Variants in CAMK1D observed in about 807,000 individuals in gnomAD.
CAMK1D encodes the protein calcium/calmodulin dependent protein kinase ID.
In CAMK1D, 9 loss-of-function variants were observed where a neutral mutation model predicts 47.7. The ratio of observed to expected loss-of-function variants is 0.19; its 90% CI spans 0.11 to 0.33. The LOEUF (loss-of-function observed/expected upper bound fraction) is 0.33. Ranked by LOEUF, CAMK1D falls within the 10% of genes least tolerant of loss-of-function variation. The pLI is 1.00. For synonymous variants in CAMK1D, 184 were observed against 184.9 expected (o/e 0.99, Z 0.04); for missense variants, 291 against 488.7 (o/e 0.60, Z 3.81).
At chr10:12,485,423 T>C (rs1406723766) in intron 1 of CAMK1D, among the ~76,000 whole-genome samples, 1 of 152,086 alleles carries the variant, frequency 6.6e-6, no homozygotes, top group Admixed American at 6.5e-5. Flanking sequence ...ACAATGGTGG[T>C]GAAGCTTGGG....
At chr10:12,478,096 C>G (rs1393992761) in intron 1 of CAMK1D, among the ~76,000 whole-genome samples, 1 of 149,282 alleles carries the variant, frequency 6.7e-6, no homozygotes, top group East Asian at 2.0e-4. Flanking sequence ...AGCTCCGCCT[C>G]CCGGGTTCAT....
In CAMK1D at chr10:12,362,636, T is replaced by C. The variant is rs1051978592; in HGVS notation, c.92+12726T>C. 3.3e-5 allele frequency among the ~76,000 whole-genome samples: 5 copies of C among 152,262 alleles called. No individual in the cohort carries two copies. The South Asian group carries it at 6.2e-4, about 19-fold the overall frequency. Reference sequence around the variant, plus strand: ...CCTCAGCCTCCCGAGTAGCTGGGACTACAGGCGCCCGCCATGATGCCTGGC... The same window carrying C: ...CCTCAGCCTCCCGAGTAGCTGGGACCACAGGCGCCCGCCATGATGCCTGGC... On this transcript the variant is annotated intron_variant, in intron 1 of 10. Coordinates refer to ENST00000619168, the MANE Select transcript of CAMK1D (RefSeq NM_153498.4).
intron 1 of CAMK1D, among the ~76,000 whole-genome samples, chr10:12,474,666 G>C (rs1384556654): frequency 6.6e-6 from 1 of 151,950 alleles, no homozygotes; most frequent in Non-Finnish European, 1.5e-5. Context: ...TATCATGGGG[G>C]TTTGCTGTAC....
chr10:12,493,868 G>A (rs879727433), intron 1 of CAMK1D, among the ~76,000 whole-genome samples: 3 of 152,204 alleles, frequency 2.0e-5, no homozygotes, highest in Non-Finnish European at 4.4e-5. Flanking sequence ...CCACAGGGAG[G>A]TCACAGTGGA....
chr10:12,435,382 T>G (rs965902898), intron 1 of CAMK1D, among the ~76,000 whole-genome samples: 1 of 152,084 alleles, frequency 6.6e-6, no homozygotes, highest in African/African-American at 2.4e-5. Flanking sequence ...TTTTCTTACC[T>G]CACCTGCTCA....
intron 2 of CAMK1D, among the ~76,000 whole-genome samples, chr10:12,651,078 C>G (rs924421771): frequency 6.6e-6 from 1 of 152,200 alleles, no homozygotes; most frequent in African/African-American, 2.4e-5. Flanking sequence ...CGGCACTTTG[C>G]TCCCACCTCC....
At chr10:12,629,909 A>T (rs946532336) in intron 2 of CAMK1D, among the ~76,000 whole-genome samples, 5 of 152,132 alleles carry the variant, frequency 3.3e-5, no homozygotes, top group African/African-American at 1.2e-4. Context: ...GCAAGAGGGG[A>T]CAGTGATGAG....
chr10:12,698,962 C>A (rs1371938363), intron 3 of CAMK1D, among the ~76,000 whole-genome samples: 1 of 152,030 alleles, frequency 6.6e-6, no homozygotes, highest in South Asian at 2.1e-4. Flanking sequence ...TGAGCCACTG[C>A]ACCCGGCCTA....
intron 2 of CAMK1D, among the ~76,000 whole-genome samples, chr10:12,639,224 G>A (rs1321032263): frequency 2.6e-5 from 4 of 152,218 alleles, no homozygotes; most frequent in Admixed American, 1.3e-4. Flanking sequence ...AGTGGCTCAC[G>A]CCTGTAATCC....
intron 1 of CAMK1D, among the ~76,000 whole-genome samples, chr10:12,437,722 A>G (rs955349091): frequency 9.8e-5 from 15 of 152,290 alleles, no homozygotes; most frequent in Middle Eastern, 3.4e-3. Flanking sequence ...TGCATATTCT[A>G]TGGATTTGGA....
intron 6 of CAMK1D, among the ~76,000 whole-genome samples, chr10:12,808,132 C>T (rs905536802): frequency 5.3e-5 from 8 of 152,210 alleles, no homozygotes; most frequent in South Asian, 4.1e-4. Context: ...CTGTTTCTCC[C>T]GTAAAATTCC....
intron 1 of CAMK1D, among the ~76,000 whole-genome samples, chr10:12,431,098 A>G (rs1241108935): frequency 6.6e-6 from 1 of 152,216 alleles, no homozygotes; most frequent in East Asian, 1.9e-4. Context: ...TTTATAATAA[A>G]TTAGGAGATG....
chr10:12,516,459 T>C (rs187887323), intron 1 of CAMK1D, among the ~76,000 whole-genome samples: 161 of 152,034 alleles, frequency 1.1e-3, no homozygotes, highest in African/African-American at 3.7e-3. Context: ...CCTATAGGTT[T>C]CTATGTGAAC....
intron 1 of CAMK1D, among the ~76,000 whole-genome samples, chr10:12,472,122 G>A (rs181970975): frequency 4.6e-5 from 7 of 152,098 alleles, no homozygotes; most frequent in Non-Finnish European, 8.8e-5. Flanking sequence ...TCTGAGATGC[G>A]TCCACCCTTA....
chr10:12,582,724 A>G (rs1837698304), intron 2 of CAMK1D, among the ~76,000 whole-genome samples: 1 of 152,202 alleles, frequency 6.6e-6, no homozygotes, highest in African/African-American at 2.4e-5. Flanking sequence ...TTAATTTTGT[A>G]TCCTGAAACT....
At chr10:12,351,790 C>A (rs1000408267) in intron 1 of CAMK1D, among the ~76,000 whole-genome samples, 1 of 152,200 alleles carries the variant, frequency 6.6e-6, no homozygotes, top group Non-Finnish European at 1.5e-5. Context: ...GCCTCTTGGA[C>A]TCCAGCCATG....
Position 12,832,712 on chromosome 10 carries a change from G to C in CAMK1D, c.*3825G>C, listed in dbSNP as rs1194561718. The C allele has an allele frequency of 6.6e-6, 1 of 152,204 alleles. No homozygotes were observed. Among genetic ancestry groups the C allele is most frequent in the Non-Finnish European group, 1.5e-5 (1 of 68,098 alleles). 9.4% of individuals were successfully genotyped at this position (152,204 alleles called of 1,614,324 possible). The stretch of plus-strand genomic sequence containing the variant: ...AGCATCTGACCTTGAGAACGGTGTA[G>C]AGTCTCTGAGCCACCGCTGGCCTTT... On this transcript the variant is annotated 3_prime_UTR_variant, in exon 11 of 11. Coordinates refer to ENST00000619168, the MANE Select transcript of CAMK1D (RefSeq NM_153498.4).
chr10:12,486,139 A>G (rs1021609551), intron 1 of CAMK1D, among the ~76,000 whole-genome samples: 4 of 148,378 alleles, frequency 2.7e-5, no homozygotes, highest in Admixed American at 1.4e-4. Flanking sequence ...TATTAATTCT[A>G]TGAGTCTTGG....
At chr10:12,660,416 C>T (rs552656879) in intron 2 of CAMK1D, among the ~76,000 whole-genome samples, 4 of 152,288 alleles carry the variant, frequency 2.6e-5, no homozygotes, top group South Asian at 4.1e-4. Context: ...CCTGATGTTC[C>T]CTTACAAAGC....
Sources: gnomAD v4.1 joint callset for allele counts (sites outside exome capture counted in the v4.1 genomes callset) on GRCh38, gnomAD v4.1.1 for gene constraint, MANE v1.5 for transcripts, NCBI Gene and HGNC (gene_info 2026-07-23, HGNC 2026-07-21) for gene names.